The following ERC2 variants were observed in gnomAD, a reference collection of about 807,000 sequenced individuals.
ERC2 encodes the protein ELKS/RAB6-interacting/CAST family member 2.
ERC2 carries 42 observed loss-of-function variants against 114.8 expected under a neutral mutation model. The ratio of observed to expected loss-of-function variants is 0.37; its 90% CI spans 0.29 to 0.47. ERC2 has a LOEUF of 0.47. ERC2 is among the 20% of genes least tolerant of loss of function. The probability of loss-of-function intolerance (pLI) is 0.99; values close to 1 mark genes in which losing one functional copy is unlikely to be tolerated. For missense variants in ERC2, 939 were observed against 1,150.7 expected (o/e 0.82, Z 2.66); for synonymous variants, 454 against 425.5 (o/e 1.07, Z -0.82).
At chr3:56,301,545 T>C (rs1445873648) in intron 2 of ERC2, among the ~76,000 whole-genome samples, 1 of 152,132 alleles carries the variant, frequency 6.6e-6, no homozygotes, top group Admixed American at 6.5e-5. Context: ...ATTGTTCTAC[T>C]TTTTAGCAAT....
chr3:56,036,448 A>G (rs1054502586), intron 7 of ERC2, among the ~76,000 whole-genome samples: 4 of 152,198 alleles, frequency 2.6e-5, no homozygotes, highest in Non-Finnish European at 5.9e-5. Flanking sequence ...TGCAGATGAC[A>G]TGATCTTAAA....
At chr3:55,784,880 C>T (rs917945712) in intron 14 of ERC2, among the ~76,000 whole-genome samples, 30 of 152,172 alleles carry the variant, frequency 2.0e-4, no homozygotes, top group Non-Finnish European at 3.2e-4. Context: ...ACAAAACAAA[C>T]GGTTGCTCAT....
At chr3:55,642,767 G>A (rs1194143954) in intron 17 of ERC2, among the ~76,000 whole-genome samples, 2 of 152,132 alleles carry the variant, frequency 1.3e-5, no homozygotes, top group African/African-American at 4.8e-5. Flanking sequence ...GAATGGAGGA[G>A]TTTGCTTGTT....
intron 7 of ERC2, among the ~76,000 whole-genome samples, chr3:56,040,569 A>ATACATATACATATACATG (rs2075072933): frequency 1.2e-3 from 1 of 846 alleles, no homozygotes; most frequent in African/African-American, 3.0e-3. Flanking sequence ...ATAGAGATGT[A>ATACATATACATATACATG]TATATGTATA....
chr3:56,046,022 G>A (rs141730240), intron 7 of ERC2, among the ~76,000 whole-genome samples: 3,223 of 152,240 alleles, frequency 0.021, 56 homozygotes, highest in Middle Eastern at 0.031. Flanking sequence ...CTGAGCCCCC[G>A]ACTAGAAGTG....
chr3:56,041,185 T>C (rs930966369), intron 7 of ERC2, among the ~76,000 whole-genome samples: 6 of 152,174 alleles, frequency 3.9e-5, no homozygotes, highest in African/African-American at 1.2e-4. Flanking sequence ...ATTTTAGATA[T>C]ATGTTTAAGA....
At chr3:55,587,313 T>C (rs1230335992) in intron 17 of ERC2, among the ~76,000 whole-genome samples, 1 of 152,194 alleles carries the variant, frequency 6.6e-6, no homozygotes, top group Non-Finnish European at 1.5e-5. Context: ...ATCACCATGC[T>C]TGGCTAATTT....
intron 16 of ERC2, among the ~76,000 whole-genome samples, chr3:55,688,249 C>T (rs1416026270): frequency 1.3e-5 from 2 of 152,168 alleles, no homozygotes. Flanking sequence ...ATTTGCACCT[C>T]CTCCAGGTTA....
Position 55,570,997 on chromosome 3 carries a change from G to A in ERC2, c.*40-59721C>T, listed in dbSNP as rs980150765. 2.1e-4 allele frequency among the ~76,000 whole-genome samples: 32 copies of A among 151,818 alleles called. 1 individual carries two copies. The highest frequency in any genetic ancestry group is 5.8e-4 in the African/African-American group (24 of 41,362). ...AAAAATTAGCTGGGCATGGTTTGGC[G>A]TGCCCCTGTAATACCAGCTACTCAG... On this transcript the variant is annotated intron_variant, in intron 17 of 17. Transcript: ENST00000288221.
chr3:56,177,000 C>A (rs573865074), intron 3 of ERC2, among the ~76,000 whole-genome samples: 134 of 152,318 alleles, frequency 8.8e-4, no homozygotes, highest in African/African-American at 3.1e-3. Flanking sequence ...ACTTCAATAT[C>A]CAAGAAGATG....
chr3:56,165,427 G>A (rs1383102437), intron 4 of ERC2, among the ~76,000 whole-genome samples: 6 of 151,148 alleles, frequency 4.0e-5, no homozygotes, highest in South Asian at 2.1e-4. Context: ...CTATTAACTC[G>A]TCATCTAGCA....
chr3:55,941,982 A>G (rs2066824237), intron 13 of ERC2, among the ~76,000 whole-genome samples: 1 of 152,202 alleles, frequency 6.6e-6, no homozygotes, highest in East Asian at 1.9e-4. Flanking sequence ...CTAATTTTAT[A>G]TAATTTTAGA....
intron 17 of ERC2, among the ~76,000 whole-genome samples, chr3:55,596,041 T>C (rs2058111082): frequency 6.6e-6 from 1 of 152,170 alleles, no homozygotes; most frequent in Non-Finnish European, 1.5e-5. Context: ...TCTGAGTTCT[T>C]GCCAAATTGT....
intron 14 of ERC2, among the ~76,000 whole-genome samples, chr3:55,813,923 T>G (rs1413731214): frequency 6.6e-6 from 1 of 152,184 alleles, no homozygotes; most frequent in South Asian, 2.1e-4. Flanking sequence ...CTTCTTCTCA[T>G]GTAACCCTCT....
At chr3:55,803,063 G>C (rs1259128904) in intron 14 of ERC2, among the ~76,000 whole-genome samples, 1 of 152,156 alleles carries the variant, frequency 6.6e-6, no homozygotes, top group Non-Finnish European at 1.5e-5. Context: ...AAAAATATGA[G>C]TATGGTGGTG....
chr3:55,660,882 T>C (rs1428374600), intron 17 of ERC2, among the ~76,000 whole-genome samples: 4 of 152,184 alleles, frequency 2.6e-5, no homozygotes, highest in Admixed American at 1.3e-4. Context: ...TAAATCCTTG[T>C]AGGGCTGTTG....
At chr3:55,788,510 T>A (rs1324435801) in intron 14 of ERC2, among the ~76,000 whole-genome samples, 2 of 152,196 alleles carry the variant, frequency 1.3e-5, no homozygotes, top group African/African-American at 2.4e-5. Context: ...CCCTTGAGAA[T>A]TCAGCCCCAT....
Position 55,941,123 on chromosome 3 carries a change from T to A in ERC2, c.2403+9302A>T, listed in dbSNP as rs181006079. Among the ~76,000 whole-genome samples the A allele has an allele frequency of 1.4e-4, 21 of 152,338 alleles. 1 individual carries two copies. Among genetic ancestry groups the A allele is most frequent in the Non-Finnish European group, 2.9e-5 (2 of 68,036 alleles). ...GGACAATTAAACAATTCATTGTGTG[T>A]ACACAGCAACTTGGCCAACTATGAT... On this transcript the variant is annotated intron_variant, in intron 13 of 17. Transcript: ENST00000288221.
At chr3:55,907,202 T>G (rs941857149) in intron 13 of ERC2, among the ~76,000 whole-genome samples, 1 of 152,174 alleles carries the variant, frequency 6.6e-6, no homozygotes, top group Non-Finnish European at 1.5e-5. Context: ...AGTAGGCTAG[T>G]AGCTTTTATA....
Sources: allele counts gnomAD v4.1 joint callset (sites outside exome capture counted in the v4.1 genomes callset), GRCh38; gene constraint gnomAD v4.1.1; transcripts MANE v1.5; gene names NCBI Gene and HGNC (gene_info 2026-07-23, HGNC 2026-07-21).